LRP1B: variants seen among roughly 807,000 people sequenced by gnomAD.
LRP1B encodes LDL receptor related protein 1B.
A neutral mutation model predicts 556.6 loss-of-function variants in LRP1B; 217 were observed. That is an observed-to-expected ratio of 0.39 (90% CI 0.35 to 0.44). The LOEUF is 0.44. Ranked by LOEUF, LRP1B falls within the 20% of genes least tolerant of loss-of-function variation. The pLI is 1.00. For synonymous variants in LRP1B, 2,047 were observed against 1,865.8 expected (o/e 1.10, Z -2.50); for missense variants, 5,053 against 5,620.8 (o/e 0.90, Z 3.23).
At chr2:141,807,013 CT>C in intron 2 of LRP1B, among the ~76,000 whole-genome samples, 1 of 152,182 alleles carries the variant, frequency 6.6e-6, no homozygotes, top group Non-Finnish European at 1.5e-5. Context: ...TGTTAACATA[CT>C]TTTGTTCATA....
chr2:140,491,514 G>T (rs1378181297), intron 57 of LRP1B, among the ~76,000 whole-genome samples: 1 of 151,956 alleles, frequency 6.6e-6, no homozygotes, highest in African/African-American at 2.4e-5. Flanking sequence ...CATATCCCAA[G>T]AAAGATAATT....
intron 35 of LRP1B, among the ~76,000 whole-genome samples, chr2:140,734,401 G>A (rs949106212): frequency 2.0e-5 from 3 of 152,148 alleles, no homozygotes; most frequent in African/African-American, 7.2e-5. Context: ...TGATAGAGAA[G>A]AGTCAGAAAT....
chr2:141,902,717 T>C (rs555137945), intron 1 of LRP1B, among the ~76,000 whole-genome samples: 290 of 130,780 alleles, frequency 2.2e-3, no homozygotes, highest in African/African-American at 6.6e-3. Flanking sequence ...TTGTGTCTTA[T>C]TGAGTGACTG....
At chr2:141,010,192 C>T (rs1325718692) in intron 14 of LRP1B, among the ~76,000 whole-genome samples, 1 of 151,862 alleles carries the variant, frequency 6.6e-6, no homozygotes, top group Non-Finnish European at 1.5e-5. Context: ...TTATCTCATT[C>T]CCCAAAATGT....
At chr2:140,597,130 A>T (rs1350242269) in intron 43 of LRP1B, among the ~76,000 whole-genome samples, 1 of 152,208 alleles carries the variant, frequency 6.6e-6, no homozygotes, top group African/African-American at 2.4e-5. Context: ...GGTAATCTAG[A>T]TGCATGTAAG....
intron 1 of LRP1B, among the ~76,000 whole-genome samples, chr2:142,094,688 G>C (rs1265626418): frequency 6.6e-6 from 1 of 151,842 alleles, no homozygotes; most frequent in Non-Finnish European, 1.5e-5. Context: ...ACACAACCCT[G>C]TGTTCTAGAA....
intron 18 of LRP1B, among the ~76,000 whole-genome samples, chr2:140,973,130 T>C (rs2105332103): frequency 6.7e-6 from 1 of 149,844 alleles, no homozygotes; most frequent in African/African-American, 2.4e-5. Flanking sequence ...TGAGAAATTC[T>C]TTCACAATAA....
chr2:141,975,839 G>C (rs1337284831), intron 1 of LRP1B, among the ~76,000 whole-genome samples: 1 of 152,028 alleles, frequency 6.6e-6, no homozygotes, highest in Admixed American at 6.6e-5. Context: ...AAACCGTAAA[G>C]TTTCTGTAGG....
intron 2 of LRP1B, among the ~76,000 whole-genome samples, chr2:141,572,692 T>C (rs559423194): frequency 7.9e-5 from 12 of 152,214 alleles, no homozygotes; most frequent in African/African-American, 2.9e-4. Flanking sequence ...ACCCATCTTA[T>C]GTGCAAAGAC....
intron 2 of LRP1B, among the ~76,000 whole-genome samples, chr2:141,804,419 G>A (rs1696105778): frequency 6.6e-6 from 1 of 151,932 alleles, no homozygotes; most frequent in Non-Finnish European, 1.5e-5. Flanking sequence ...CAACATCAAG[G>A]TTTTTGGAAG....
intron 41 of LRP1B, among the ~76,000 whole-genome samples, chr2:140,652,039 AT>A (rs1336497957): frequency 1.2e-4 from 18 of 152,320 alleles, no homozygotes; most frequent in East Asian, 3.9e-4. Context: ...AACAAAAAAA[AT>A]GTAAGTTTAA....
intron 16 of LRP1B, among the ~76,000 whole-genome samples, chr2:140,991,869 G>C (rs1207530309): frequency 6.6e-6 from 1 of 151,972 alleles, no homozygotes; most frequent in Admixed American, 6.6e-5. Flanking sequence ...AAATAAAAAG[G>C]GTAAATGGAT....
chr2:140,859,679 A>G (rs1692729119), intron 27 of LRP1B, among the ~76,000 whole-genome samples: 1 of 152,108 alleles, frequency 6.6e-6, no homozygotes, highest in South Asian at 2.1e-4. Flanking sequence ...TATTCCTCTT[A>G]ATGGTAACCT....
chr2:141,199,210 T>A (rs565541527), intron 6 of LRP1B, among the ~76,000 whole-genome samples: 59 of 152,272 alleles, frequency 3.9e-4, no homozygotes, highest in African/African-American at 1.3e-3. Flanking sequence ...CTTTCAGAAA[T>A]ACATCATCAA....
intron 7 of LRP1B, among the ~76,000 whole-genome samples, chr2:141,098,493 C>T (rs1310895994): frequency 6.6e-6 from 1 of 152,298 alleles, no homozygotes; most frequent in Non-Finnish European, 1.5e-5. Context: ...CTTAGCACCA[C>T]TGTTTCCCTA....
chr2:140,671,927 G>A (rs558308241), intron 41 of LRP1B, among the ~76,000 whole-genome samples: 1 of 152,076 alleles, frequency 6.6e-6, no homozygotes, highest in Admixed American at 6.6e-5. Context: ...CCATACCAAG[G>A]TCCTCAAAAG....
chr2:140,967,337 C>CTG lies in LRP1B; in HGVS notation c.2887+14822_2887+14823insCA, dbSNP rs1263148402. On this transcript the variant is annotated intron_variant, in intron 18 of 90. Transcript: ENST00000389484. The stretch of plus-strand genomic sequence containing the variant: ...ATGGGAGTTCACTCACGATTTGGCT[C>CTG]TCTGTCTGTTATTGGTGTATAAGAA... Among the ~76,000 whole-genome samples, 11 of 46,082 alleles carry CTG rather than the reference C, an allele frequency of 2.4e-4. No homozygotes were observed. The Admixed American group carries it at 2.5e-3, about 11-fold the overall frequency. 30.2% of individuals were successfully genotyped at this position (46,082 alleles called of 152,430 possible). A position where few individuals can be genotyped will look rare whatever the true frequency, so the allele number is the denominator to read the frequency against.
At position 140,546,653 on chromosome 2, in the gene LRP1B, T is replaced by C. The variant is rs190624043; in HGVS notation, c.7195-4682A>G. On this transcript the variant is annotated intron_variant, in intron 43 of 90. Coordinates refer to ENST00000389484, the MANE Select transcript of LRP1B (RefSeq NM_018557.3). ...ATTCAAGTACCTCCCACAGGGTCCC[T>C]CCCGTGACACATGGGGATTATGGGA... 6.5e-4 allele frequency among the ~76,000 whole-genome samples: 99 copies of C among 152,110 alleles called. 1 individual carries two copies. Among genetic ancestry groups the C allele is most frequent in the African/African-American group, 2.0e-3 (82 of 41,522 alleles).
intron 3 of LRP1B, among the ~76,000 whole-genome samples, chr2:141,344,225 G>A (rs1269352670): frequency 1.3e-5 from 2 of 152,066 alleles, no homozygotes; most frequent in Non-Finnish European, 2.9e-5. Context: ...ATAAAATTAT[G>A]TCCCTCCTTT....
Sources: allele counts gnomAD v4.1 joint callset (sites outside exome capture counted in the v4.1 genomes callset), GRCh38; gene constraint gnomAD v4.1.1; transcripts MANE v1.5; gene names NCBI Gene and HGNC (gene_info 2026-07-23, HGNC 2026-07-21).